Variants in SLC25A26 observed in about 807,000 individuals in gnomAD.
SLC25A26 encodes solute carrier family 25 member 26.
SLC25A26 carries 36 observed loss-of-function variants against 37.8 expected under a neutral mutation model. The ratio of observed to expected loss-of-function variants is 0.95; its 90% CI spans 0.73 to 1.26. The LOEUF is 1.26. Among genes scored for constraint, SLC25A26 ranks in the 50% most tolerant of loss-of-function variants. The pLI is 0.00. For missense variants in SLC25A26, 390 were observed against 331.1 expected, an observed-to-expected ratio of 1.18 and a Z score of -1.38; for synonymous variants, 129 against 122.5, an observed-to-expected ratio of 1.05 and a Z score of -0.35.
intron 3 of SLC25A26, among the ~76,000 whole-genome samples, chr3:66,244,814 T>C (rs1291690482): frequency 6.7e-6 from 1 of 149,072 alleles, no homozygotes; most frequent in Non-Finnish European, 1.5e-5. Context: ...CTACTGAAAA[T>C]ACAAAAAAAA....
At position 66,377,684 on chromosome 3, in the gene SLC25A26, C is replaced by T. The variant is rs756906190; in HGVS notation, c.708-6C>T. 6.2e-7 allele frequency: 1 copy of T among 1,606,868 alleles called. No homozygotes were observed. The highest frequency in any genetic ancestry group is 8.5e-7 in the Non-Finnish European group (1 of 1,174,740). ...ACAACATTAAAAATCCTGTTTTTTC[C>T]CCTAGATTATTTGCAGGTGTCTTCC... On this transcript the variant is annotated splice_polypyrimidine_tract_variant and splice_region_variant and intron_variant, in intron 9 of 9. Transcript: ENST00000354883.
At chr3:66,315,066 T>C (rs544214406) in intron 5 of SLC25A26, among the ~76,000 whole-genome samples, 1 of 147,420 alleles carries the variant, frequency 6.8e-6, no homozygotes, top group Non-Finnish European at 1.5e-5. Flanking sequence ...AAAAACTAGC[T>C]CCTGGATTCT....
intron 3 of SLC25A26, among the ~76,000 whole-genome samples, chr3:66,258,575 G>A (rs1395784275): frequency 1.3e-5 from 2 of 152,162 alleles, no homozygotes; most frequent in Non-Finnish European, 2.9e-5. Context: ...GTAAGATGCA[G>A]GTGAAATTTT....
chr3:66,188,441 G>T (rs906465018), intron 1 of SLC25A26, among the ~76,000 whole-genome samples: 2 of 152,114 alleles, frequency 1.3e-5, no homozygotes, highest in African/African-American at 4.8e-5. Context: ...GCAGAGGGAA[G>T]GAGGGGAATG....
intron 1 of SLC25A26, among the ~76,000 whole-genome samples, chr3:66,193,021 T>C (rs1271476830): frequency 3.3e-5 from 5 of 152,172 alleles, no homozygotes; most frequent in South Asian, 2.1e-4. Flanking sequence ...CAGTTCGTTA[T>C]ACTAGGTACA....
At chr3:66,309,777 G>A (rs2075325315) in intron 5 of SLC25A26, among the ~76,000 whole-genome samples, 1 of 152,156 alleles carries the variant, frequency 6.6e-6, no homozygotes, top group Non-Finnish European at 1.5e-5. Context: ...TAGTCATTCA[G>A]GAGCAGGTTG....
At chr3:66,354,208 T>C (rs1330506826) in intron 6 of SLC25A26, among the ~76,000 whole-genome samples, 3 of 151,940 alleles carry the variant, frequency 2.0e-5, no homozygotes, top group African/African-American at 7.3e-5. Flanking sequence ...TATATTGCAG[T>C]GTGGAGAACT....
intron 5 of SLC25A26, among the ~76,000 whole-genome samples, chr3:66,270,866 C>T (rs555369479): frequency 1.3e-5 from 2 of 152,262 alleles, no homozygotes; most frequent in African/African-American, 2.4e-5. Flanking sequence ...TCTCATGTTT[C>T]GTTTACATGA....
intron 1 of SLC25A26, among the ~76,000 whole-genome samples, chr3:66,145,147 C>T (rs993472478): frequency 7.2e-5 from 11 of 152,150 alleles, no homozygotes; most frequent in African/African-American, 2.7e-4. Flanking sequence ...TATATTTCCC[C>T]TGTCTTCTCT....
chr3:66,225,519 C>T (rs887311364), intron 1 of SLC25A26, among the ~76,000 whole-genome samples: 3 of 152,148 alleles, frequency 2.0e-5, no homozygotes, highest in Non-Finnish European at 4.4e-5. Flanking sequence ...CCTCCAGAGC[C>T]TGTGATGGGA....
chr3:66,224,216 G>A (rs555136194), intron 1 of SLC25A26, among the ~76,000 whole-genome samples: 3 of 152,280 alleles, frequency 2.0e-5, no homozygotes, highest in South Asian at 2.1e-4. Context: ...AAGTATTTTT[G>A]GTGGTAGGAT....
chr3:66,259,644 T>C (rs902522876), intron 3 of SLC25A26, among the ~76,000 whole-genome samples: 2 of 152,152 alleles, frequency 1.3e-5, no homozygotes, highest in African/African-American at 2.4e-5. Flanking sequence ...GCCATATTCA[T>C]TTCCAGATGT....
At chr3:66,328,252 AAAG>A (rs1394570264) in intron 5 of SLC25A26, among the ~76,000 whole-genome samples, 50 of 152,216 alleles carry the variant, frequency 3.3e-4, no homozygotes, top group Admixed American at 3.3e-3. Context: ...ATGCAAATTC[AAAG>A]AACAGGTTAT....
chr3:66,278,380 A>C (rs908437736), intron 5 of SLC25A26, among the ~76,000 whole-genome samples: 7 of 152,266 alleles, frequency 4.6e-5, no homozygotes, highest in Admixed American at 2.6e-4. Flanking sequence ...TAAGATGAAA[A>C]ACAACAGTCT....
At chr3:66,258,313 A>G (rs1020405087) in intron 3 of SLC25A26, among the ~76,000 whole-genome samples, 4 of 152,096 alleles carry the variant, frequency 2.6e-5, no homozygotes, top group African/African-American at 9.7e-5. Flanking sequence ...CTTTTATCTG[A>G]GAGTCAGGAT....
rs1177663168 is a variant in SLC25A26 at position 66,243,186 on chromosome 3, C to T, written c.191-17C>T. 9 of 1,364,738 alleles carry T rather than the reference C, an allele frequency of 6.6e-6. No homozygotes were observed. The highest frequency in any genetic ancestry group is 2.9e-5 in the African/African-American group (2 of 70,070). 84.5% of individuals were successfully genotyped at this position (1,364,738 alleles called of 1,614,324 possible). A position where few individuals can be genotyped will look rare whatever the true frequency, so the allele number is the denominator to read the frequency against. On this transcript the variant is annotated splice_polypyrimidine_tract_variant and intron_variant, in intron 2 of 9. Coordinates refer to ENST00000354883, the MANE Select transcript of SLC25A26 (RefSeq NM_001379210.1). ...ATGTTTAAACTTTGTGAAAGACTGGCTTGTTTTAAATTTCAGCTGCTGCAT... is the reference window on the plus strand; with the variant it reads ...ATGTTTAAACTTTGTGAAAGACTGGTTTGTTTTAAATTTCAGCTGCTGCAT...
upstream of SLC25A26, chr3:66,220,979 C>A: frequency 9.0e-7 from 1 of 1,109,734 alleles, no homozygotes; most frequent in Non-Finnish European, 1.3e-6. Flanking sequence ...TTCTACGTCA[C>A]GTGGTCCCGG....
chr3:66,280,166 G>T (rs2074288800), intron 5 of SLC25A26, among the ~76,000 whole-genome samples: 1 of 152,164 alleles, frequency 6.6e-6, no homozygotes, highest in African/African-American at 2.4e-5. Context: ...AAGTTTTGAT[G>T]AAGTGAAGAC....
rs1575633798 is a variant in SLC25A26, at chr3:66,377,801, T to A, written c.819T>A (p.Ser273Arg). Reference sequence around the variant, plus strand: ...TGCTGTTGGAAGTTGGCAGAAAGAGTCCTTGAAGCAGAGACAAGCCTCACC... The same window carrying A: ...TGCTGTTGGAAGTTGGCAGAAAGAGACCTTGAAGCAGAGACAAGCCTCACC... ...HSLLLEVGRKSP is the reference protein window; with the variant it reads ...HSLLLEVGRKRP The change falls in exon 10 of 10, where the codon AGT becomes AGA. Residue 273 changes from serine to arginine, a missense_variant. Physicochemically the swap from Ser to Arg is moderately radical, Grantham distance 110 (BLOSUM62 -1). Transcript: ENST00000354883. 1 of 1,612,612 alleles carries A rather than the reference T, an allele frequency of 6.2e-7. No individual in the cohort carries two copies. Among genetic ancestry groups the A allele is most frequent in the East Asian group, 2.2e-5 (1 of 44,860 alleles).
Sources: allele counts gnomAD v4.1 joint callset (sites outside exome capture counted in the v4.1 genomes callset), GRCh38; gene constraint gnomAD v4.1.1; transcripts MANE v1.5; gene names NCBI Gene and HGNC (gene_info 2026-07-23, HGNC 2026-07-21).